SMPD3: variants seen among roughly 807,000 people sequenced by gnomAD.
SMPD3 encodes sphingomyelin phosphodiesterase 3.
A neutral mutation model predicts 55.7 loss-of-function variants in SMPD3; 21 were observed. The observed-to-expected ratio is 0.38, with a 90% CI of 0.27 to 0.54. The LOEUF is 0.54. Among genes scored for constraint, SMPD3 ranks in the 20% least tolerant of loss-of-function variants. The probability of loss-of-function intolerance (pLI) is 0.80; values close to 1 mark genes in which losing one functional copy is unlikely to be tolerated. For missense variants in SMPD3, 842 were observed against 899.6 expected (o/e 0.94, Z 0.82); for synonymous variants, 457 against 404.3 (o/e 1.13, Z -1.56).
intron 3 of SMPD3, 86 bp downstream of exon 3, chr16:68,370,773 T>C (rs760028802): frequency 5.2e-6 from 8 of 1,535,748 alleles, no homozygotes; most frequent in East Asian, 4.8e-5. Flanking sequence ...CCCATGACGA[T>C]GAGGACTCCC....
intron 1 of SMPD3, among the ~76,000 whole-genome samples, chr16:68,444,689 G>C (rs1446971611): frequency 3.9e-5 from 6 of 152,276 alleles, no homozygotes; most frequent in South Asian, 2.1e-4. Context: ...CAAAGATACA[G>C]GTATAAATTA....
chr16:68,361,801 C>G, intron 7 of SMPD3, 42 bp from the exon 8 acceptor site: 1 of 1,601,788 alleles, frequency 6.2e-7, no homozygotes, highest in Non-Finnish European at 8.5e-7. Flanking sequence ...CCATGCCCGC[C>G]CCTGTGGGCC....
chr16:68,444,300 C>T (rs2090592167), intron 1 of SMPD3, among the ~76,000 whole-genome samples: 1 of 152,200 alleles, frequency 6.6e-6, no homozygotes. Context: ...CCCCAGGGAG[C>T]AGGAGGGTCT....
chr16:68,368,696 GA>G, intron 3 of SMPD3: 1 of 152,884 alleles, frequency 6.5e-6, no homozygotes. Flanking sequence ...GGGCTGGGGG[GA>G]GAGGTCTGGG....
At chr16:68,375,632 TCTC>T (rs150358041) in intron 2 of SMPD3, among the ~76,000 whole-genome samples, 19,174 of 152,020 alleles carry the variant, frequency 0.13, 1,254 homozygotes, top group South Asian at 0.17. Flanking sequence ...AGAGAGACTC[TCTC>T]CTCAGCTGCC....
chr16:68,419,963 G>A (rs1346169699), intron 1 of SMPD3, among the ~76,000 whole-genome samples: 2 of 147,758 alleles, frequency 1.4e-5, no homozygotes, highest in African/African-American at 5.0e-5. Flanking sequence ...GGAACATGTA[G>A]TATCCCGAAT....
intron 1 of SMPD3, among the ~76,000 whole-genome samples, chr16:68,444,834 T>C (rs2090598102): frequency 1.3e-5 from 2 of 152,238 alleles, no homozygotes; most frequent in Admixed American, 6.5e-5. Flanking sequence ...CCATATGCAG[T>C]CACCTTCCAA....
At chr16:68,426,358 G>T (rs2090435680) in intron 1 of SMPD3, among the ~76,000 whole-genome samples, 1 of 152,176 alleles carries the variant, frequency 6.6e-6, no homozygotes, top group African/African-American at 2.4e-5. Flanking sequence ...GAGACTGGAG[G>T]AAGAGAAAAC....
chr16:68,382,971 A>G (rs2089980151), intron 2 of SMPD3, among the ~76,000 whole-genome samples: 1 of 152,098 alleles, frequency 6.6e-6, no homozygotes, highest in Non-Finnish European at 1.5e-5. Flanking sequence ...CGGCCTCCCG[A>G]GTATCTGGGA....
chr16:68,358,855 C>T lies in SMPD3; in HGVS notation c.*2351G>A, dbSNP rs1723795207. On this transcript the variant is annotated 3_prime_UTR_variant, in exon 9 of 9. Coordinates refer to ENST00000219334, the MANE Select transcript of SMPD3 (RefSeq NM_018667.4). ...CACTTTAAAAAATCAGTGGAAGGGC[C>T]TGGCCTGCACACAAGGCCCGGGAGT... 2.0e-5 allele frequency: 3 copies of T among 152,494 alleles called. No individual in the cohort carries two copies. The highest frequency in any genetic ancestry group is 1.5e-5 in the Non-Finnish European group (1 of 68,062). The allele number at this position is 152,494 out of a possible 1,614,324, so 9.4% of individuals were successfully genotyped here. A position where few individuals can be genotyped will look rare whatever the true frequency, so the allele number is the denominator to read the frequency against.
At chr16:68,384,203 C>A (rs992451523) in intron 2 of SMPD3, among the ~76,000 whole-genome samples, 1 of 152,208 alleles carries the variant, frequency 6.6e-6, no homozygotes, top group African/African-American at 2.4e-5. Flanking sequence ...CCCTTCCAGG[C>A]CTCCACACTT....
intron 1 of SMPD3, among the ~76,000 whole-genome samples, chr16:68,432,365 T>A (rs2090487486): frequency 6.6e-6 from 1 of 152,176 alleles, no homozygotes; most frequent in East Asian, 1.9e-4. Flanking sequence ...TAAGAGAAAT[T>A]ATATGTAATA....
chr16:68,374,620 A>G (rs567316939), intron 2 of SMPD3, among the ~76,000 whole-genome samples: 3 of 152,284 alleles, frequency 2.0e-5, no homozygotes, highest in Admixed American at 6.5e-5. Context: ...AGACTCCAGG[A>G]CGTACTCCCT....
chr16:68,394,040 T>C (rs1168841776), intron 1 of SMPD3, among the ~76,000 whole-genome samples: 1 of 152,190 alleles, frequency 6.6e-6, no homozygotes, highest in Admixed American at 6.5e-5. Context: ...TAATTTATAA[T>C]TCAAAATTTA....
intron 1 of SMPD3, among the ~76,000 whole-genome samples, chr16:68,395,545 G>T (rs1268595711): frequency 6.6e-6 from 1 of 152,224 alleles, no homozygotes; most frequent in Non-Finnish European, 1.5e-5. Flanking sequence ...TCATGTCCCA[G>T]TTCACCTCAA....
At chr16:68,420,209 C>T (rs1280429435) in intron 1 of SMPD3, among the ~76,000 whole-genome samples, 1 of 152,114 alleles carries the variant, frequency 6.6e-6, no homozygotes, top group African/African-American at 2.4e-5. Flanking sequence ...TCCCAAAGTG[C>T]TGGGATTATA....
At chr16:68,403,945 G>A (rs536858200) in intron 1 of SMPD3, among the ~76,000 whole-genome samples, 100 of 152,300 alleles carry the variant, frequency 6.6e-4, no homozygotes, top group Middle Eastern at 3.4e-3. Context: ...TCTTTTGCAG[G>A]AACGCCAGGT....
In SMPD3 at chr16:68,371,559, G is replaced by A. The variant is rs2089670550; in HGVS notation, c.623C>T (p.Ala208Val). ...ACCGTCACCCTTGTACTCCACAGAG[G>A]CTGTCCTCTTAATGCTCCCGGGGAC... ...RAVPGSIKRT[A>V]SVEYKGDGGR... Residue 208 changes from alanine (A) to valine (V), a missense_variant, in exon 3 of 9, where the codon GCC (alanine) becomes GTC (valine). By Grantham distance (64) the Ala-to-Val change is moderately conservative. Around this residue, in one of 2 missense-constraint regions of SMPD3, gnomAD observed 649 missense variants for 643.6 expected, o/e 1.01. Coordinates refer to ENST00000219334, the MANE Select transcript of SMPD3 (RefSeq NM_018667.4). 6.3e-7 allele frequency: 1 copy of A among 1,594,892 alleles called. No homozygotes were observed.
At chr16:68,392,344 A>G (rs2090118657) in intron 1 of SMPD3, among the ~76,000 whole-genome samples, 1 of 152,218 alleles carries the variant, frequency 6.6e-6, no homozygotes. Context: ...ATTTTGCCCA[A>G]CTGTAAGCTA....
Sources: allele counts gnomAD v4.1 joint callset (sites outside exome capture counted in the v4.1 genomes callset), GRCh38; gene constraint gnomAD v4.1.1; regional missense constraint gnomAD v4.1.1; transcripts MANE v1.5; gene names NCBI Gene and HGNC (gene_info 2026-07-23, HGNC 2026-07-21).